The following MACROD2 variants were observed in gnomAD, a reference collection of about 807,000 sequenced individuals.
MACROD2 encodes the protein ADP-ribose glycohydrolase MACROD2.
Under a neutral mutation model 70.4 loss-of-function variants are expected in MACROD2, and 36 were observed. The observed-to-expected ratio is 0.51, with a 90% CI of 0.39 to 0.68. The LOEUF is 0.68. Among genes scored for constraint, MACROD2 ranks in the 30% least tolerant of loss-of-function variants. The pLI is 0.00. For synonymous variants in MACROD2, 172 were observed against 178.8 expected (o/e 0.96, Z 0.30); for missense variants, 496 against 538.4 (o/e 0.92, Z 0.78).
intron 8 of MACROD2, among the ~76,000 whole-genome samples, chr20:15,534,176 T>C (rs1233736): frequency 0.5 from 75,610 of 152,010 alleles, 22,384 homozygotes; most frequent in African/African-American, 0.83. Context: ...CTTTGAAACC[T>C]TCCTTGAAAA....
rs192032916 is a variant in MACROD2 at position 14,765,255 on chromosome 20, C to T, written c.418+80296C>T. ...CTCCCCGCTTTCTCTTTCTCCCCTA[C>T]ACCCATCCTTACTCTCTCTGAGGAC... On this transcript the variant is annotated intron_variant, in intron 5 of 17. Transcript: ENST00000684519. 4.5e-3 allele frequency among the ~76,000 whole-genome samples: 682 copies of T among 152,120 alleles called. 6 individuals carry two copies. The highest frequency in any genetic ancestry group is 0.016 in the African/African-American group (660 of 41,460).
chr20:14,426,109 C>T (rs2083929892), intron 3 of MACROD2, among the ~76,000 whole-genome samples: 2 of 152,150 alleles, frequency 1.3e-5, no homozygotes, highest in Non-Finnish European at 2.9e-5. Context: ...CACTTTCACT[C>T]ATGTTCTCCC....
intron 7 of MACROD2, among the ~76,000 whole-genome samples, chr20:15,432,939 A>T (rs1467620659): frequency 6.6e-6 from 1 of 152,056 alleles, no homozygotes; most frequent in African/African-American, 2.4e-5. Flanking sequence ...GAAGGACCAT[A>T]AAATTAGAGG....
chr20:14,724,366 C>A (rs1458719607), intron 5 of MACROD2, among the ~76,000 whole-genome samples: 1 of 152,056 alleles, frequency 6.6e-6, no homozygotes, highest in Non-Finnish European at 1.5e-5. Context: ...TCCCATCACC[C>A]ATTTTACTCA....
intron 3 of MACROD2, among the ~76,000 whole-genome samples, chr20:14,394,517 T>C (rs1378760199): frequency 6.6e-6 from 1 of 152,202 alleles, no homozygotes; most frequent in Non-Finnish European, 1.5e-5. Context: ...GTAGATCTTC[T>C]ACATAGTTAT....
At chr20:14,218,902 G>A (rs911182119) in intron 3 of MACROD2, among the ~76,000 whole-genome samples, 6 of 152,190 alleles carry the variant, frequency 3.9e-5, no homozygotes, top group Non-Finnish European at 8.8e-5. Flanking sequence ...TGGGAAATCT[G>A]CTGTTAATCT....
At chr20:14,228,172 TAGAG>T (rs58319730) in intron 3 of MACROD2, among the ~76,000 whole-genome samples, 140,964 of 151,096 alleles carry the variant, frequency 0.93, 65,912 homozygotes, top group East Asian at 0.97. Flanking sequence ...TGTATATATA[TAGAG>T]AGAGAGAGAG....
At chr20:15,136,049 A>G (rs1173436077) in intron 5 of MACROD2, among the ~76,000 whole-genome samples, 2 of 148,702 alleles carry the variant, frequency 1.3e-5, no homozygotes, top group African/African-American at 5.0e-5. Flanking sequence ...CCACTGCTCA[A>G]TGAAATAAAA....
In MACROD2 at chr20:15,707,759, T is replaced by C. The variant is rs185637519; in HGVS notation, c.646-154986T>C. On this transcript the variant is annotated intron_variant, in intron 8 of 17. Coordinates refer to ENST00000684519, the MANE Select transcript of MACROD2 (RefSeq NM_001351661.2). ...GAGATTACGCCACTGCACTCCAGCC[T>C]GGGCAACAGAGTGAGACTCTGTCTC... Among the ~76,000 whole-genome samples, 369 of 151,958 alleles carry C rather than the reference T, an allele frequency of 2.4e-3. 3 individuals carry two copies. Among genetic ancestry groups the C allele is most frequent in the African/African-American group, 8.7e-3 (359 of 41,464 alleles).
At chr20:14,136,377 A>G (rs2054798237) in intron 3 of MACROD2, among the ~76,000 whole-genome samples, 1 of 152,172 alleles carries the variant, frequency 6.6e-6, no homozygotes. Flanking sequence ...GCCGAGACAG[A>G]CCTAGATGTA....
chr20:15,191,649 G>A (rs2052354652), intron 5 of MACROD2, among the ~76,000 whole-genome samples: 2 of 152,172 alleles, frequency 1.3e-5, no homozygotes, highest in Admixed American at 1.3e-4. Flanking sequence ...CAGGGCATAA[G>A]CCATTCCACC....
intron 5 of MACROD2, among the ~76,000 whole-genome samples, chr20:14,959,530 A>G (rs1305737454): frequency 6.6e-6 from 1 of 151,910 alleles, no homozygotes; most frequent in Non-Finnish European, 1.5e-5. Context: ...CCCCAAATAC[A>G]AGCAAACCAA....
At chr20:14,622,011 T>C (rs1983855104) in intron 4 of MACROD2, 1 of 152,146 alleles carries the variant, frequency 6.6e-6, no homozygotes, top group Admixed American at 6.6e-5. Flanking sequence ...GCTTACCTAA[T>C]AGGCTCTGGA....
intron 5 of MACROD2, among the ~76,000 whole-genome samples, chr20:15,195,843 A>G (rs565453734): frequency 6.6e-6 from 1 of 152,202 alleles, no homozygotes; most frequent in African/African-American, 2.4e-5. Context: ...ATGGCCATCA[A>G]TGATAGACTG....
chr20:15,195,686 A>G (rs1046459197), intron 5 of MACROD2, among the ~76,000 whole-genome samples: 1 of 152,172 alleles, frequency 6.6e-6, no homozygotes, highest in African/African-American at 2.4e-5. Context: ...TCCTTTAAAG[A>G]TTAGATGCAG....
intron 15 of MACROD2, among the ~76,000 whole-genome samples, chr20:16,012,209 C>G (rs954022642): frequency 6.6e-6 from 1 of 152,194 alleles, no homozygotes; most frequent in African/African-American, 2.4e-5. Context: ...CAGTTTTTGA[C>G]TTCACCCCAC....
At chr20:14,895,373 C>T (rs1323692971) in intron 5 of MACROD2, 1 of 152,068 alleles carries the variant, frequency 6.6e-6, no homozygotes, top group Non-Finnish European at 1.5e-5. Flanking sequence ...AGGAGTATTT[C>T]TGGAAAAGAT....
intron 2 of MACROD2, among the ~76,000 whole-genome samples, chr20:14,043,919 C>A (rs1280065256): frequency 6.6e-6 from 1 of 152,230 alleles, no homozygotes; most frequent in East Asian, 1.9e-4. Flanking sequence ...CCTGTGTCAT[C>A]TATCTTTCAC....
chr20:14,818,637 T>G (rs1312310856), intron 5 of MACROD2, among the ~76,000 whole-genome samples: 2 of 151,872 alleles, frequency 1.3e-5, no homozygotes, highest in Non-Finnish European at 2.9e-5. Flanking sequence ...AACTAGCATA[T>G]AGCATGCATG....
Sources: allele counts gnomAD v4.1 joint callset (sites outside exome capture counted in the v4.1 genomes callset), GRCh38; gene constraint gnomAD v4.1.1; transcripts MANE v1.5; gene names NCBI Gene and HGNC (gene_info 2026-07-23, HGNC 2026-07-21).